ITGBL1: variants seen among roughly 807,000 people sequenced by gnomAD.
The protein encoded by ITGBL1 is integrin beta-like protein 1.
ITGBL1 carries 51 observed loss-of-function variants against 68.5 expected under a neutral mutation model. That is an observed-to-expected ratio of 0.74 (90% confidence interval 0.59 to 0.94). The LOEUF (loss-of-function observed/expected upper bound fraction) is 0.94, where lower values mean the gene tolerates loss of function less well. ITGBL1 is among the 40% of genes least tolerant of loss of function. The pLI is 0.00. For missense variants in ITGBL1, 649 were observed against 647.4 expected, an observed-to-expected ratio of 1.00 and a Z score of -0.03; for synonymous variants, 209 against 227.3, an observed-to-expected ratio of 0.92 and a Z score of 0.72.
chr13:101,671,828 A>T (rs2033385649), intron 7 of ITGBL1, among the ~76,000 whole-genome samples: 1 of 152,222 alleles, frequency 6.6e-6, no homozygotes, highest in Non-Finnish European at 1.5e-5. Flanking sequence ...GAGTATTCTT[A>T]TGTTTTTTAA....
At chr13:101,663,381 CTT>C (rs1302127221) in intron 7 of ITGBL1, among the ~76,000 whole-genome samples, 2 of 152,120 alleles carry the variant, frequency 1.3e-5, no homozygotes, top group African/African-American at 4.8e-5. Flanking sequence ...GATCTAGTCT[CTT>C]TGTGCAGAAA....
At chr13:101,495,668 G>A (rs2139071822) in intron 2 of ITGBL1, among the ~76,000 whole-genome samples, 1 of 151,922 alleles carries the variant, frequency 6.6e-6, no homozygotes, top group Admixed American at 6.6e-5. Context: ...CAGTCTATAT[G>A]AAGGGCCTAC....
At chr13:101,627,176 T>C (rs563539382) in intron 7 of ITGBL1, among the ~76,000 whole-genome samples, 12 of 152,360 alleles carry the variant, frequency 7.9e-5, no homozygotes, top group Middle Eastern at 3.4e-3. Context: ...GTCTGAGTTA[T>C]AAGATTCCTC....
Position 101,452,757 on chromosome 13 carries a change from T to A in ITGBL1, c.-77T>A, listed in dbSNP as rs1022069585. 1.8e-4 allele frequency: 215 copies of A among 1,171,552 alleles called. 2 individuals are homozygous for A. The highest frequency in any genetic ancestry group is 5.6e-5 in the Non-Finnish European group (44 of 780,488). The allele number at this position is 1,171,552 out of a possible 1,614,324, so 72.6% of individuals were successfully genotyped here. On this transcript the variant is annotated 5_prime_UTR_variant, in exon 1 of 11. Transcript: ENST00000376180. The stretch of plus-strand genomic sequence containing the variant: ...TGCCCAGCCATCTGCTGGTGGCACC[T>A]CTCCCTCCTGCCGCCTCCCTCGGTG...
At chr13:101,660,673 TC>T (rs2139477604) in intron 7 of ITGBL1, among the ~76,000 whole-genome samples, 1 of 152,212 alleles carries the variant, frequency 6.6e-6, no homozygotes, top group South Asian at 2.1e-4. Flanking sequence ...AAACTAAATT[TC>T]TCCCTAAGTT....
At chr13:101,586,068 G>T (rs1165329787) in intron 6 of ITGBL1, among the ~76,000 whole-genome samples, 1 of 152,142 alleles carries the variant, frequency 6.6e-6, no homozygotes, top group Non-Finnish European at 1.5e-5. Context: ...GTGTAAGCTT[G>T]TGTGCAATTC....
chr13:101,459,824 C>T (rs1056587697), intron 2 of ITGBL1, among the ~76,000 whole-genome samples: 3 of 152,058 alleles, frequency 2.0e-5, no homozygotes, highest in African/African-American at 7.2e-5. Context: ...AACAATATAA[C>T]AATTAAAATA....
chr13:101,708,666 C>T (rs2034317257), intron 9 of ITGBL1, among the ~76,000 whole-genome samples: 1 of 152,150 alleles, frequency 6.6e-6, no homozygotes, highest in Non-Finnish European at 1.5e-5. Flanking sequence ...CTTCAGACAT[C>T]AAAGAGGATG....
chr13:101,657,179 T>C (rs1193810765), intron 7 of ITGBL1, among the ~76,000 whole-genome samples: 1 of 152,202 alleles, frequency 6.6e-6, no homozygotes, highest in Non-Finnish European at 1.5e-5. Flanking sequence ...TGAATATGAA[T>C]GTAACTGCTA....
intron 2 of ITGBL1, among the ~76,000 whole-genome samples, chr13:101,488,151 C>A (rs1469351259): frequency 6.6e-6 from 1 of 152,194 alleles, no homozygotes; most frequent in African/African-American, 2.4e-5. Context: ...CCATGCTTTT[C>A]TAACCAAGGA....
In ITGBL1 at chr13:101,515,333, A is replaced by AT. The variant is rs569032063; in HGVS notation, c.317-52355dup. On this transcript the variant is annotated intron_variant, in intron 2 of 10. Coordinates refer to ENST00000376180, the MANE Select transcript of ITGBL1 (RefSeq NM_004791.3). Reference sequence around the variant, plus strand: ...ATAATCCTCTATTAAAACCCCGGGTATTTTTTTTTTTAGCCCAGCATTTTG... The same window carrying AT: ...ATAATCCTCTATTAAAACCCCGGGTATTTTTTTTTTTTAGCCCAGCATTTTG... Among the ~76,000 whole-genome samples, 244 of 146,472 alleles carry AT rather than the reference A, an allele frequency of 1.7e-3. 1 individual carries two copies. Among genetic ancestry groups the AT allele is most frequent in the East Asian group, 6.8e-3 (34 of 5,026 alleles).
chr13:101,535,424 G>A (rs1021942265), intron 2 of ITGBL1, among the ~76,000 whole-genome samples: 2 of 152,040 alleles, frequency 1.3e-5, no homozygotes, highest in Admixed American at 1.3e-4. Flanking sequence ...TATGATGTTA[G>A]CTGGCAGAGA....
intron 7 of ITGBL1, among the ~76,000 whole-genome samples, chr13:101,639,059 T>C (rs1264224131): frequency 6.6e-6 from 1 of 152,180 alleles, no homozygotes; most frequent in Non-Finnish European, 1.5e-5. Flanking sequence ...TACAAGCATA[T>C]GGTTTTCTCT....
At chr13:101,488,868 C>A (rs1270289897) in intron 2 of ITGBL1, among the ~76,000 whole-genome samples, 3 of 152,202 alleles carry the variant, frequency 2.0e-5, no homozygotes, top group South Asian at 4.1e-4. Flanking sequence ...CCTTTTCTTT[C>A]ATTTGTGACT....
intron 2 of ITGBL1, among the ~76,000 whole-genome samples, chr13:101,458,825 C>T (rs2048280210): frequency 6.6e-6 from 1 of 152,064 alleles, no homozygotes; most frequent in African/African-American, 2.4e-5. Flanking sequence ...TTTTAATCTG[C>T]CAATGAGGAG....
At chr13:101,589,568 G>A (rs974768435) in intron 6 of ITGBL1, among the ~76,000 whole-genome samples, 24 of 152,148 alleles carry the variant, frequency 1.6e-4, no homozygotes, top group African/African-American at 5.8e-4. Flanking sequence ...GATTTGAGGA[G>A]GAACATTGGC....
At chr13:101,470,751 A>C (rs1016751308) in intron 2 of ITGBL1, among the ~76,000 whole-genome samples, 7 of 152,206 alleles carry the variant, frequency 4.6e-5, no homozygotes, top group Non-Finnish European at 8.8e-5. Context: ...CTTTTCTAGT[A>C]GGACAACATT....
At chr13:101,559,500 G>T (rs551463800) in intron 2 of ITGBL1, among the ~76,000 whole-genome samples, 6 of 152,328 alleles carry the variant, frequency 3.9e-5, no homozygotes, top group Non-Finnish European at 8.8e-5. Context: ...ACCAAGGATT[G>T]TGAATAATCC....
chr13:101,573,790 A>T (rs2050311080), intron 3 of ITGBL1, among the ~76,000 whole-genome samples: 1 of 152,136 alleles, frequency 6.6e-6, no homozygotes, highest in South Asian at 2.1e-4. Flanking sequence ...TTTCTAATAG[A>T]TCACATATAG....
Sources: allele counts gnomAD v4.1 joint callset (sites outside exome capture counted in the v4.1 genomes callset), GRCh38; gene constraint gnomAD v4.1.1; transcripts MANE v1.5; gene names NCBI Gene and HGNC (gene_info 2026-07-23, HGNC 2026-07-21).